ARID2: variants seen among roughly 807,000 people sequenced by gnomAD.
The protein encoded by ARID2 is AT-rich interactive domain-containing protein 2.
In ARID2, 32 loss-of-function variants were observed where a neutral mutation model predicts 184.6. The observed-to-expected ratio is 0.17, with a 90% confidence interval of 0.13 to 0.23. ARID2 has a LOEUF of 0.23. Ranked by LOEUF, ARID2 falls within the 10% of genes least tolerant of loss-of-function variation. ARID2 has a pLI of 1.00. For synonymous variants in ARID2, 836 were observed against 772.6 expected (o/e 1.08, Z -1.36); for missense variants, 1,696 against 2,197.6 (o/e 0.77, Z 4.56).
At chr12:45,848,600 A>ATATATTTGTTGT (rs1943485031) in intron 12 of ARID2, among the ~76,000 whole-genome samples, 1 of 152,140 alleles carries the variant, frequency 6.6e-6, no homozygotes, top group Non-Finnish European at 1.5e-5. Flanking sequence ...TGGGATGTGA[A>ATATATTTGTTGT]CATAGTTTTT....
chr12:45,735,430 T>A (rs1223180566), intron 3 of ARID2, among the ~76,000 whole-genome samples: 1 of 142,518 alleles, frequency 7.0e-6, no homozygotes, highest in Non-Finnish European at 1.6e-5. Flanking sequence ...TGTGTGTGTG[T>A]GTGTGTGTGT....
intron 4 of ARID2, among the ~76,000 whole-genome samples, chr12:45,817,431 T>A (rs73097315): frequency 0.16 from 23,984 of 151,812 alleles, 2,122 homozygotes; most frequent in Admixed American, 0.21. Flanking sequence ...AAATGGTATG[T>A]ACATTTTGGT....
chr12:45,749,836 T>C (rs1008548551), intron 3 of ARID2, among the ~76,000 whole-genome samples: 4 of 152,240 alleles, frequency 2.6e-5, no homozygotes, highest in African/African-American at 9.6e-5. Flanking sequence ...TCTCTCAGTC[T>C]TCCTTGAATT....
intron 16 of ARID2, among the ~76,000 whole-genome samples, chr12:45,863,184 G>A (rs1279479722): frequency 6.6e-6 from 1 of 152,172 alleles, no homozygotes; most frequent in Non-Finnish European, 1.5e-5. Flanking sequence ...CTTAAAGAAT[G>A]AGTAGGAATT....
intron 6 of ARID2, among the ~76,000 whole-genome samples, chr12:45,827,002 A>G (rs1479282528): frequency 6.6e-6 from 1 of 152,062 alleles, no homozygotes; most frequent in African/African-American, 2.4e-5. Context: ...TTCATAATTC[A>G]TGTAAATAAT....
intron 3 of ARID2, among the ~76,000 whole-genome samples, chr12:45,803,978 G>A (rs1942553999): frequency 6.6e-6 from 1 of 152,166 alleles, no homozygotes; most frequent in Non-Finnish European, 1.5e-5. Context: ...TCTGAAGTAG[G>A]ATGAGTAACA....
chr12:45,857,516 A>G (rs913904856), intron 15 of ARID2, among the ~76,000 whole-genome samples: 9 of 152,182 alleles, frequency 5.9e-5, no homozygotes, highest in African/African-American at 2.4e-5. Context: ...TAGTGTTGGC[A>G]TGTATTGATG....
intron 3 of ARID2, chr12:45,789,470 T>C (rs1172950548): frequency 6.6e-6 from 1 of 152,218 alleles, no homozygotes; most frequent in African/African-American, 2.4e-5. Flanking sequence ...ACTTTCATTA[T>C]GGTCTAGTTT....
chr12:45,780,329 C>CTAT (rs1942065262), intron 3 of ARID2, among the ~76,000 whole-genome samples: 2 of 152,026 alleles, frequency 1.3e-5, no homozygotes, highest in Admixed American at 1.3e-4. Context: ...AATAAATGGC[C>CTAT]TTATAGTTAA....
chr12:45,826,569 C>CA lies in ARID2; in HGVS notation c.705+5083dup, dbSNP rs531762532. 7.0e-3 allele frequency among the ~76,000 whole-genome samples: 1,070 copies of CA among 152,150 alleles called. 10 individuals carry two copies. Among genetic ancestry groups the CA allele is most frequent in the African/African-American group, 0.024 (1,011 of 41,514 alleles). ...AGCTAAGATTACAGACTCCTGCCACCATGCTTGGCTAACTTATTTTTTATT... is the reference window on the plus strand; with the variant it reads ...AGCTAAGATTACAGACTCCTGCCACCAATGCTTGGCTAACTTATTTTTTATT... On this transcript the variant is annotated intron_variant, in intron 6 of 20. Transcript: ENST00000334344.
intron 15 of ARID2, among the ~76,000 whole-genome samples, chr12:45,854,979 A>G (rs1943620227): frequency 6.6e-6 from 1 of 152,226 alleles, no homozygotes; most frequent in African/African-American, 2.4e-5. Flanking sequence ...TTTGTCTGAA[A>G]CCAAAACTCA....
chr12:45,902,001 C>T (rs1440423090), intron 20 of ARID2, among the ~76,000 whole-genome samples: 2 of 152,042 alleles, frequency 1.3e-5, no homozygotes, highest in East Asian at 1.9e-4. Context: ...TTTTACCCTT[C>T]GTACTGTTTT....
At chr12:45,746,441 G>A (rs552699675) in intron 3 of ARID2, among the ~76,000 whole-genome samples, 3 of 152,122 alleles carry the variant, frequency 2.0e-5, no homozygotes, top group African/African-American at 7.2e-5. Context: ...CTAGACAAAG[G>A]GATGGTAGGG....
chr12:45,758,268 A>G (rs1239392336), intron 3 of ARID2, among the ~76,000 whole-genome samples: 2 of 152,200 alleles, frequency 1.3e-5, no homozygotes, highest in Non-Finnish European at 2.9e-5. Flanking sequence ...ACTTTCTAAT[A>G]ACTCTATACA....
chr12:45,847,918 A>C (rs1592117161), intron 12 of ARID2, among the ~76,000 whole-genome samples: 1 of 152,142 alleles, frequency 6.6e-6, no homozygotes, highest in East Asian at 1.9e-4. Context: ...TCTACATTGC[A>C]ACCAAAATGA....
At position 45,904,982 on chromosome 12, in the gene ARID2, C is replaced by A. The variant is rs765314451; in HGVS notation, c.5412C>A (p.Asn1804Lys). ...ENNLSVLAISNMEASSTLAKC... is the reference protein window; with the variant it reads ...ENNLSVLAISKMEASSTLAKC... ...ACTTATCAGTGCTAGCCATTAGTAA[C>A]ATGGAAGCTTCCTCCACCCTTGCCA... Residue 1804 changes from asparagine (N) to lysine (K), a missense_variant, in exon 21 of 21, where the codon AAC becomes AAA. Physicochemically the swap from Asn to Lys is moderately conservative, Grantham distance 94. Around this residue, in one of 11 missense-constraint regions of ARID2, gnomAD observed 69 missense variants for 118.2 expected, o/e 0.58. Transcript: ENST00000334344. The A allele has an allele frequency of 1.2e-6, 2 of 1,613,918 alleles. No homozygotes were observed. Among genetic ancestry groups the A allele is most frequent in the East Asian group, 4.5e-5 (2 of 44,830 alleles).
At chr12:45,883,233 G>A (rs1316206873) in intron 16 of ARID2, among the ~76,000 whole-genome samples, 1 of 151,864 alleles carries the variant, frequency 6.6e-6, no homozygotes, top group Admixed American at 6.6e-5. Flanking sequence ...GAAATACCCT[G>A]ATTTCTACCA....
chr12:45,731,859 T>G lies in ARID2; in HGVS notation c.284+545T>G, dbSNP rs147250076. On this transcript the variant is annotated intron_variant, in intron 3 of 20. Coordinates refer to ENST00000334344, the MANE Select transcript of ARID2 (RefSeq NM_152641.4). ...CAGGATTGTTTTGATAATTACTTTT[T>G]GTTGAATTTCCAGTGACTTAAATTA... Among the ~76,000 whole-genome samples, 827 of 152,162 alleles carry G rather than the reference T, an allele frequency of 5.4e-3. 7 individuals carry two copies. Among genetic ancestry groups the G allele is most frequent in the African/African-American group, 0.019 (789 of 41,516 alleles).
At chr12:45,827,257 C>T (rs1943020875) in intron 6 of ARID2, among the ~76,000 whole-genome samples, 1 of 151,660 alleles carries the variant, frequency 6.6e-6, no homozygotes, top group African/African-American at 2.4e-5. Context: ...CCCAAAATAG[C>T]TAGGCCTATT....
Sources: gnomAD v4.1 joint callset for allele counts (sites outside exome capture counted in the v4.1 genomes callset) on GRCh38, gnomAD v4.1.1 for gene constraint, gnomAD v4.1.1 regional missense constraint, MANE v1.5 for transcripts, NCBI Gene and HGNC (gene_info 2026-07-23, HGNC 2026-07-21) for gene names.